Variants in ZNF365 observed in about 807,000 individuals in gnomAD.
ZNF365 encodes protein ZNF365.
ZNF365 carries 22 observed loss-of-function variants against 35.0 expected under a neutral mutation model. The ratio of observed to expected loss-of-function variants is 0.63; its 90% CI spans 0.45 to 0.90. ZNF365 has a LOEUF of 0.90. Among genes scored for constraint, ZNF365 ranks in the 40% least tolerant of loss-of-function variants. The pLI, the probability that ZNF365 is intolerant of heterozygous loss-of-function variation, is 0.00. For synonymous variants in ZNF365, 188 were observed against 196.2 expected, an observed-to-expected ratio of 0.96 and a Z score of 0.35; for missense variants, 448 against 500.3, an observed-to-expected ratio of 0.90 and a Z score of 1.00.
At chr10:62,475,087 A>G (rs572146737) in intron 4 of ZNF365, among the ~76,000 whole-genome samples, 1 of 152,278 alleles carries the variant, frequency 6.6e-6, no homozygotes, top group African/African-American at 2.4e-5. Flanking sequence ...TGAAATTCTC[A>G]TGGCCACTCT....
At chr10:62,428,919 C>A (rs1368192839) in intron 3 of ZNF365, among the ~76,000 whole-genome samples, 1 of 152,142 alleles carries the variant, frequency 6.6e-6, no homozygotes, top group African/African-American at 2.4e-5. Context: ...TACTGCTTTT[C>A]TTGGGATAAA....
chr10:62,398,265 C>T (rs1241601828), intron 3 of ZNF365, among the ~76,000 whole-genome samples: 1 of 152,120 alleles, frequency 6.6e-6, no homozygotes, highest in African/African-American at 2.4e-5. Context: ...TACTACTCAG[C>T]CATAAAATGG....
At chr10:62,390,055 T>C (rs1248343708) in intron 3 of ZNF365, among the ~76,000 whole-genome samples, 1 of 152,070 alleles carries the variant, frequency 6.6e-6, no homozygotes, top group Admixed American at 6.5e-5. Flanking sequence ...TCCTGCCCTC[T>C]TAAGAGAGGG....
chr10:62,406,410 A>G (rs1839905913), downstream of ZNF365, among the ~76,000 whole-genome samples: 1 of 152,118 alleles, frequency 6.6e-6, no homozygotes, highest in South Asian at 2.1e-4. Context: ...TAATGGTGTG[A>G]TGACTTGACT....
Position 62,401,061 on chromosome 10 carries a change from G to A in ZNF365, c.*1272G>A. The A allele has an allele frequency of 1.0e-6, 1 of 985,270 alleles. No individual in the cohort carries two copies. The allele number at this position is 985,270 out of a possible 1,614,324, so 61.0% of individuals were successfully genotyped here. On this transcript the variant is annotated 3_prime_UTR_variant, in exon 5 of 5. Coordinates refer to ENST00000395254, the MANE Select transcript of ZNF365 (RefSeq NM_014951.3). Reference sequence around the variant, plus strand: ...TTCCTTAAATTTAGCAATATCATCAGGTCTCTTGCAGAGTTTACAAGTGCT... The same window carrying A: ...TTCCTTAAATTTAGCAATATCATCAAGTCTCTTGCAGAGTTTACAAGTGCT...
chr10:62,480,178 A>G (rs1276481681), exon 5 of ZNF365: 1 of 1,177,062 alleles, frequency 8.5e-7, no homozygotes, highest in Non-Finnish European at 1.1e-6. Flanking sequence ...CATCATAGCA[A>G]GTAGAAGATG....
In ZNF365 at chr10:62,399,690, A is replaced by C; in HGVS notation, c.1125A>C (p.Arg375Ser). Residue 375 changes from arginine (R) to serine (S), a missense_variant, in exon 5 of 5, where the codon AGA (arginine) becomes AGC (serine). Arg to Ser is a moderately radical substitution (Grantham distance 110). Around this residue, in one of 3 missense-constraint regions of ZNF365, gnomAD observed 362 missense variants for 375.7 expected, o/e 0.96. Transcript: ENST00000395254. ...CTGAGTCCTCAAGAGACCTCTGCAG[A>C]CCTCCAAAGAAAGGGGAGCTCCTGG... ...EQAESSRDLC[R>S]PPKKGELLGF... is the part of the protein sequence containing the mutation. The C allele has an allele frequency of 1.9e-6, 3 of 1,614,040 alleles. No individual in the cohort carries two copies. Among genetic ancestry groups the C allele is most frequent in the Non-Finnish European group, 2.5e-6 (3 of 1,180,012 alleles).
intron 2 of ZNF365, among the ~76,000 whole-genome samples, chr10:62,384,163 G>C (rs146982988): frequency 6.7e-6 from 1 of 149,230 alleles, no homozygotes; most frequent in African/African-American, 2.5e-5. Flanking sequence ...AAGTGGCTTA[G>C]AACCAGTTAA....
chr10:62,410,898 G>A (rs1234841973), intron 3 of ZNF365, among the ~76,000 whole-genome samples: 1 of 152,194 alleles, frequency 6.6e-6, no homozygotes, highest in African/African-American at 2.4e-5. Context: ...CACCAACGGT[G>A]TAAAAGTGTT....
chr10:62,468,670 G>A (rs1374220622), intron 4 of ZNF365, among the ~76,000 whole-genome samples: 1 of 152,202 alleles, frequency 6.6e-6, no homozygotes, highest in East Asian at 1.9e-4. Context: ...ATGAGATGAT[G>A]TTGAAGATGA....
intron 3 of ZNF365, among the ~76,000 whole-genome samples, chr10:62,435,695 A>G (rs1021180131): frequency 6.6e-6 from 1 of 152,196 alleles, no homozygotes; most frequent in African/African-American, 2.4e-5. Flanking sequence ...TCTTTTAGCT[A>G]CCATGCATAT....
chr10:62,432,877 C>A (rs959974475), intron 3 of ZNF365, among the ~76,000 whole-genome samples: 1 of 152,012 alleles, frequency 6.6e-6, no homozygotes, highest in Non-Finnish European at 1.5e-5. Flanking sequence ...AGTTTCAGTC[C>A]CCAGAATATT....
intron 3 of ZNF365, among the ~76,000 whole-genome samples, chr10:62,425,212 G>A (rs1468044589): frequency 2.6e-5 from 4 of 152,064 alleles, no homozygotes; most frequent in Non-Finnish European, 5.9e-5. Flanking sequence ...TTCATGGAGT[G>A]GAGATAACCT....
Position 62,398,728 on chromosome 10 carries a change from G to A in ZNF365, c.925-12G>A. ...ATGCAGTTAACATTTTTTCTTATTT[G>A]TTTTCCTTCAGCTTACAGACATCTC... On this transcript the variant is annotated splice_polypyrimidine_tract_variant and intron_variant, in intron 3 of 4. Coordinates refer to ENST00000395254, the MANE Select transcript of ZNF365 (RefSeq NM_014951.3). The A allele has an allele frequency of 6.2e-7, 1 of 1,610,214 alleles. No homozygotes were observed. Among genetic ancestry groups the A allele is most frequent in the Non-Finnish European group, 8.5e-7 (1 of 1,178,540 alleles).
chr10:62,383,636 G>A (rs1264410411), intron 2 of ZNF365, among the ~76,000 whole-genome samples: 1 of 152,252 alleles, frequency 6.6e-6, no homozygotes, highest in African/African-American at 2.4e-5. Flanking sequence ...CAAAATTGCA[G>A]TGAGCACCAC....
chr10:62,380,282 A>T (rs1564566786), intron 2 of ZNF365, among the ~76,000 whole-genome samples: 2 of 152,260 alleles, frequency 1.3e-5, no homozygotes, highest in Non-Finnish European at 2.9e-5. Flanking sequence ...ATGAGACAGC[A>T]AGACCAACCC....
chr10:62,401,918 A>C lies in ZNF365; in HGVS notation c.*2129A>C. ...TTTGAGATTTGTTTATTATATTAAAATGTTTTTTTACGTTCCCACTAAATT... is the reference window on the plus strand; with the variant it reads ...TTTGAGATTTGTTTATTATATTAAACTGTTTTTTTACGTTCCCACTAAATT... On this transcript the variant is annotated 3_prime_UTR_variant, in exon 5 of 5. Coordinates refer to ENST00000395254, the MANE Select transcript of ZNF365 (RefSeq NM_014951.3). The C allele has an allele frequency of 1.0e-6, 1 of 985,332 alleles. No homozygotes were observed. Among genetic ancestry groups the C allele is most frequent in the Non-Finnish European group, 1.2e-6 (1 of 829,736 alleles). 61.0% of individuals were successfully genotyped at this position (985,332 alleles called of 1,614,324 possible).
intron 2 of ZNF365, among the ~76,000 whole-genome samples, chr10:62,377,997 C>A (rs561463326): frequency 3.9e-5 from 6 of 152,194 alleles, no homozygotes; most frequent in Non-Finnish European, 8.8e-5. Context: ...TCATTACTTG[C>A]TATCACTTAA....
At chr10:62,397,246 A>G (rs757559700) in intron 3 of ZNF365, among the ~76,000 whole-genome samples, 12 of 150,086 alleles carry the variant, frequency 8.0e-5, no homozygotes, top group Non-Finnish European at 1.6e-4. Context: ...CAAGAATCCT[A>G]TCTTGTCTCC....
Sources: gnomAD v4.1 joint callset for allele counts (sites outside exome capture counted in the v4.1 genomes callset) on GRCh38, gnomAD v4.1.1 for gene constraint, gnomAD v4.1.1 regional missense constraint, MANE v1.5 for transcripts, NCBI Gene and HGNC (gene_info 2026-07-23, HGNC 2026-07-21) for gene names.